Variants in ENAH observed in about 807,000 individuals in gnomAD.
The protein encoded by ENAH is ENAH actin regulator.
A neutral mutation model predicts 78.7 loss-of-function variants in ENAH; 23 were observed. That is an observed-to-expected ratio of 0.29 (90% CI 0.21 to 0.41). The LOEUF (loss-of-function observed/expected upper bound fraction) is 0.41. Ranked by LOEUF, ENAH falls within the 10% of genes least tolerant of loss-of-function variation. ENAH has a pLI of 1.00. For synonymous variants in ENAH, 226 were observed against 241.0 expected (o/e 0.94, Z 0.58); for missense variants, 544 against 691.0 (o/e 0.79, Z 2.39).
chr1:225,637,630 A>G (rs534644769), intron 1 of ENAH, among the ~76,000 whole-genome samples: 94 of 152,294 alleles, frequency 6.2e-4, no homozygotes, highest in Non-Finnish European at 8.8e-4. Flanking sequence ...TAACCATTCT[A>G]TGTCTGGGTG....
chr1:225,548,032 T>G (rs2096623160), intron 3 of ENAH, among the ~76,000 whole-genome samples: 1 of 152,160 alleles, frequency 6.6e-6, no homozygotes, highest in South Asian at 2.1e-4. Flanking sequence ...TGTGTCTAAT[T>G]TGCGCTGGCA....
intron 1 of ENAH, among the ~76,000 whole-genome samples, chr1:225,620,272 A>G (rs1656566760): frequency 6.6e-6 from 1 of 152,034 alleles, no homozygotes; most frequent in African/African-American, 2.4e-5. Context: ...TCACACCTGT[A>G]ATCCCAGCAC....
At chr1:225,642,653 G>C (rs1278995324) in intron 1 of ENAH, among the ~76,000 whole-genome samples, 2 of 152,116 alleles carry the variant, frequency 1.3e-5, no homozygotes, top group Non-Finnish European at 2.9e-5. Flanking sequence ...CCGGGTAACA[G>C]CTTTACTAGG....
At chr1:225,524,626 T>A (rs1183460183) in intron 4 of ENAH, 2 of 985,310 alleles carry the variant, frequency 2.0e-6, no homozygotes, top group Admixed American at 6.1e-5. Context: ...TTTTGGTCCA[T>A]CCGGCCTCCG....
chr1:225,619,355 CAACATGG>C (rs1273191731), intron 1 of ENAH, among the ~76,000 whole-genome samples: 2 of 152,160 alleles, frequency 1.3e-5, no homozygotes, highest in African/African-American at 4.8e-5. Flanking sequence ...CCAGCCTGGC[CAACATGG>C]TAAAACCCTG....
intron 1 of ENAH, among the ~76,000 whole-genome samples, chr1:225,585,844 C>T (rs1248084668): frequency 6.6e-6 from 1 of 151,956 alleles, no homozygotes; most frequent in African/African-American, 2.4e-5. Flanking sequence ...AAAGCAGTGA[C>T]GAATGGGAAA....
intron 3 of ENAH, among the ~76,000 whole-genome samples, chr1:225,532,003 T>C (rs1558767442): frequency 6.6e-6 from 1 of 150,674 alleles, no homozygotes. Context: ...ATAAATATTA[T>C]AAAAAAAAAT....
chr1:225,560,484 A>T (rs76952198), intron 2 of ENAH, among the ~76,000 whole-genome samples: 4 of 143,612 alleles, frequency 2.8e-5, no homozygotes, highest in Non-Finnish European at 6.0e-5. Flanking sequence ...GAGTGAGACA[A>T]AAAAAAAAAA....
intron 2 of ENAH, among the ~76,000 whole-genome samples, chr1:225,556,786 T>A (rs576474770): frequency 1.3e-5 from 2 of 152,338 alleles, no homozygotes; most frequent in East Asian, 3.9e-4. Context: ...TTGTCCCATA[T>A]TATCTTGTAG....
At chr1:225,649,074 T>A (rs1408965578) in intron 1 of ENAH, among the ~76,000 whole-genome samples, 2 of 152,128 alleles carry the variant, frequency 1.3e-5, no homozygotes, top group African/African-American at 4.8e-5. Flanking sequence ...GTAACATAAA[T>A]TTAAGGCTTA....
intron 2 of ENAH, among the ~76,000 whole-genome samples, chr1:225,566,340 T>C (rs1390318478): frequency 6.6e-6 from 1 of 152,106 alleles, no homozygotes; most frequent in Non-Finnish European, 1.5e-5. Context: ...CCTATATGCA[T>C]ACATGACAAA....
intron 1 of ENAH, among the ~76,000 whole-genome samples, chr1:225,590,681 G>A (rs939117887): frequency 2.0e-5 from 3 of 151,828 alleles, no homozygotes; most frequent in African/African-American, 7.3e-5. Context: ...TGACTCCTCT[G>A]CCAACATCCC....
At chr1:225,624,182 A>T (rs1380824746) in intron 1 of ENAH, among the ~76,000 whole-genome samples, 1 of 152,158 alleles carries the variant, frequency 6.6e-6, no homozygotes, top group East Asian at 1.9e-4. Flanking sequence ...TGATGTCTAT[A>T]ATTCCAGCAC....
chr1:225,511,979 G>A (rs2184778), intron 9 of ENAH, 120 bp from the exon 10 acceptor site: 53,221 of 576,320 alleles, frequency 0.092, 2,727 homozygotes, highest in Admixed American at 0.15. Context: ...CTCTTTCATC[G>A]GTCTTCTCTC....
At chr1:225,635,483 ATATT>A (rs1659897651) in intron 1 of ENAH, among the ~76,000 whole-genome samples, 1 of 152,124 alleles carries the variant, frequency 6.6e-6, no homozygotes, top group South Asian at 2.1e-4. Context: ...ATCTTTGCAT[ATATT>A]TATTTTTATT....
chr1:225,518,091 T>A, intron 5 of ENAH: 1 of 998,704 alleles, frequency 1.0e-6, no homozygotes, highest in Non-Finnish European at 1.4e-6. Context: ...ACACAATGTA[T>A]AAATGTAGAC....
chr1:225,519,156 A>G, intron 5 of ENAH, 42 bp downstream of exon 5: 3 of 1,596,896 alleles, frequency 1.9e-6, no homozygotes, highest in Non-Finnish European at 2.6e-6. Context: ...ACATCATCCA[A>G]GCTCAGATAC....
intron 1 of ENAH, among the ~76,000 whole-genome samples, chr1:225,599,865 G>A (rs1484199001): frequency 6.6e-6 from 1 of 151,456 alleles, no homozygotes; most frequent in Non-Finnish European, 1.5e-5. Context: ...AAGGTGTCTG[G>A]ATCATGGGGG....
chr1:225,652,625 C>G, intron 1 of ENAH, 61 bp downstream of exon 1: 1 of 1,257,334 alleles, frequency 8.0e-7, no homozygotes, highest in Non-Finnish European at 1.0e-6. Flanking sequence ...CCGAGGAGAA[C>G]GGGGGTCGCG....
Sources: gnomAD v4.1 joint callset for allele counts (sites outside exome capture counted in the v4.1 genomes callset) on GRCh38, gnomAD v4.1.1 for gene constraint, MANE v1.5 for transcripts, NCBI Gene and HGNC (gene_info 2026-07-23, HGNC 2026-07-21) for gene names.